Variants in CAPN2 observed in about 807,000 individuals in gnomAD.
CAPN2 encodes calpain 2, also known as calpain-2 catalytic subunit.
Under a neutral mutation model 102.3 loss-of-function variants are expected in CAPN2, and 92 were observed. The ratio of observed to expected loss-of-function variants is 0.90; its 90% confidence interval spans 0.76 to 1.07. The LOEUF (loss-of-function observed/expected upper bound fraction) is 1.07, where lower values mean the gene tolerates loss of function less well. Among genes scored for constraint, CAPN2 ranks in the 50% least tolerant of loss-of-function variants. The pLI, the probability that CAPN2 is intolerant of heterozygous loss-of-function variation, is 0.00. For synonymous variants in CAPN2, 340 were observed against 355.4 expected (o/e 0.96, Z 0.49); for missense variants, 800 against 909.4 (o/e 0.88, Z 1.55).
chr1:223,737,721 G>GGGTA lies in CAPN2; in HGVS notation c.308-6379_308-6378insGGTA, dbSNP rs146144248. On this transcript the variant is annotated intron_variant, in intron 2 of 20. Coordinates refer to ENST00000295006, the MANE Select transcript of CAPN2 (RefSeq NM_001748.5). ...AAGAGACGGGGCGGGGGGTGGGGGG[G>GGGTA]AGAGAATACAATAACACCATGTACT... 2.4e-3 allele frequency among the ~76,000 whole-genome samples: 167 copies of GGGTA among 70,206 alleles called. 6 individuals are homozygous for GGGTA. Among genetic ancestry groups the GGGTA allele is most frequent in the Non-Finnish European group, 3.0e-3 (108 of 36,010 alleles). 46.1% of individuals were successfully genotyped at this position (70,206 alleles called of 152,430 possible).
intron 2 of CAPN2, among the ~76,000 whole-genome samples, chr1:223,733,985 A>G (rs541432591): frequency 1.1e-3 from 154 of 145,232 alleles, no homozygotes; most frequent in African/African-American, 4.3e-3. Flanking sequence ...CTGGGTCCCA[A>G]CTGCAGACTC....
At chr1:223,717,158 T>G (rs915817546) in intron 1 of CAPN2, among the ~76,000 whole-genome samples, 1 of 152,144 alleles carries the variant, frequency 6.6e-6, no homozygotes, top group African/African-American at 2.4e-5. Context: ...AGATCCCGCC[T>G]GCCCTCAAAA....
rs758823138 is a variant in CAPN2, at chr1:223,745,458, C to T, written c.560+19C>T. On this transcript the variant is annotated intron_variant, in intron 4 of 20. Coordinates refer to ENST00000295006, the MANE Select transcript of CAPN2 (RefSeq NM_001748.5). ...ACGCCAAGTAAGTTGCCATCCTCCC[C>T]TGGCCCCATGGCCTTCCCCCAATGC... 6.2e-7 allele frequency: 1 copy of T among 1,614,074 alleles called. No homozygotes were observed. The highest frequency in any genetic ancestry group is 1.1e-5 in the South Asian group (1 of 91,082).
intron 16 of CAPN2, among the ~76,000 whole-genome samples, chr1:223,767,032 T>C (rs553501506): frequency 9.2e-5 from 14 of 151,864 alleles, no homozygotes; most frequent in African/African-American, 3.1e-4. Context: ...TTCCTGACAA[T>C]ATGCCCATCA....
At chr1:223,757,644 C>G (rs1661070475) in intron 11 of CAPN2, 2 of 526,908 alleles carry the variant, frequency 3.8e-6, no homozygotes, top group Non-Finnish European at 6.8e-6. Flanking sequence ...TGGTTCTGGG[C>G]AGAAAATCCA....
intron 6 of CAPN2, 116 bp downstream of exon 6, chr1:223,749,238 G>A: frequency 1.2e-6 from 1 of 862,994 alleles, no homozygotes; most frequent in Non-Finnish European, 1.9e-6. Context: ...GTTTACACTC[G>A]GGCCCCGCAC....
intron 2 of CAPN2, among the ~76,000 whole-genome samples, chr1:223,720,886 C>G (rs1169386373): frequency 4.6e-5 from 7 of 152,170 alleles, no homozygotes; most frequent in Admixed American, 4.6e-4. Context: ...CATGCTCCCT[C>G]CAATTTGCCA....
rs984465969 is a variant in CAPN2, at chr1:223,766,432, G to A, written c.1755+1G>A. On this transcript the variant is annotated splice_donor_variant, in intron 16 of 20. Transcript: ENST00000295006. LOFTEE classifies it high-confidence loss of function. ...CAAAATTATGGTTGACATGCTAGAT[G>A]TATCCTTTAATGTGCTCCAGGGAAT... 4 of 1,608,728 alleles carry A rather than the reference G, an allele frequency of 2.5e-6. No homozygotes were observed. The African/African-American group carries it at 5.3e-5, about 21-fold the overall frequency.
rs780397032 is a variant in CAPN2, at chr1:223,752,077, A to G, written c.974+6A>G. 3.8e-6 allele frequency: 6 copies of G among 1,596,952 alleles called. No individual in the cohort carries two copies. Among genetic ancestry groups the G allele is most frequent in the Non-Finnish European group, 4.3e-6 (5 of 1,164,386 alleles). ...CATGAAGATGGAGAATTCTGGTAAG[A>G]TTAGTGGAGGCTTCAGGGAAAGCTC... is the stretch of plus-strand genomic sequence containing the variant. On this transcript the variant is annotated splice_donor_region_variant and intron_variant, in intron 8 of 20. Transcript: ENST00000295006.
chr1:223,747,284 T>TA, intron 5 of CAPN2, 119 bp downstream of exon 5: 1 of 1,003,644 alleles, frequency 1.0e-6, no homozygotes, highest in Non-Finnish European at 1.4e-6. Flanking sequence ...CTCGTCCACG[T>TA]AGGGGCCAAA....
Position 223,751,017 on chromosome 1 carries a change from T to C in CAPN2, c.899+42T>C, listed in dbSNP as rs1198611364. The stretch of plus-strand genomic sequence containing the variant: ...CCTCGGGGCCCCAGGCGGGGGTGCA[T>C]TGTGCTGGGAGGCTCTGGGAAGAGG... On this transcript the variant is annotated intron_variant, in intron 7 of 20. Coordinates refer to ENST00000295006, the MANE Select transcript of CAPN2 (RefSeq NM_001748.5). 4.8e-6 allele frequency: 7 copies of C among 1,462,724 alleles called. No individual in the cohort carries two copies. In the Admixed American group the frequency reaches 1.4e-4, roughly 29 times the overall value. The allele number at this position is 1,462,724 out of a possible 1,614,324, so 90.6% of individuals were successfully genotyped here.
At chr1:223,752,109 C>A in intron 8 of CAPN2, 38 bp downstream of exon 8, 1 of 1,393,142 alleles carries the variant, frequency 7.2e-7, no homozygotes. Context: ...GCTCTGTCTG[C>A]CCCAATGTTC....
At chr1:223,720,605 C>T (rs546715519) in intron 2 of CAPN2, among the ~76,000 whole-genome samples, 14 of 152,310 alleles carry the variant, frequency 9.2e-5, no homozygotes, top group Middle Eastern at 6.8e-3. Flanking sequence ...GCGTGAGCCA[C>T]TGCGCCCAGC....
chr1:223,762,234 G>C lies in CAPN2; in HGVS notation c.1615G>C (p.Ala539Pro), dbSNP rs372646959. The change falls in exon 14 of 21, where the codon GCC becomes CCC. Residue 539 changes from alanine (A) to proline (P), a missense_variant. Coordinates refer to ENST00000295006, the MANE Select transcript of CAPN2 (RefSeq NM_001748.5). ...TGATGATGGATTCAGGAGACTGTTT[G>C]CCCAGTTGGCAGGAGAGGTAAATGT... ...DIDDGFRRLF[A>P]QLAGEDAEIS... 231 of 1,613,698 alleles carry C rather than the reference G, an allele frequency of 1.4e-4. 2 individuals carry two copies. In the Admixed American group the frequency reaches 3.8e-3, roughly 27 times the overall value.
intron 2 of CAPN2, among the ~76,000 whole-genome samples, chr1:223,720,199 T>C (rs1173628015): frequency 1.3e-5 from 2 of 152,162 alleles, no homozygotes; most frequent in Non-Finnish European, 2.9e-5. Context: ...ACACCCCCTA[T>C]GAGTTTGTAT....
At chr1:223,703,020 T>C (rs1003035371) in intron 1 of CAPN2, among the ~76,000 whole-genome samples, 18 of 152,152 alleles carry the variant, frequency 1.2e-4, no homozygotes, top group African/African-American at 2.2e-4. Context: ...AAGGAAGTCA[T>C]TGGGGACTGT....
At chr1:223,757,787 A>G in intron 11 of CAPN2, 1 of 213,396 alleles carries the variant, frequency 4.7e-6, no homozygotes, top group Non-Finnish European at 9.2e-6. Flanking sequence ...CCAGGACCCA[A>G]TTCCCAGGCT....
At chr1:223,764,791 T>C (rs953191474) in intron 15 of CAPN2, among the ~76,000 whole-genome samples, 1 of 152,246 alleles carries the variant, frequency 6.6e-6, no homozygotes, top group Non-Finnish European at 1.5e-5. Context: ...TTTCTCCATG[T>C]TGGCCAGGCT....
At position 223,727,162 on chromosome 1, in the gene CAPN2, G is replaced by T. The variant is rs1660214815; in HGVS notation, c.307+9331G>T. Among the ~76,000 whole-genome samples, 1 of 152,128 alleles carries T rather than the reference G, an allele frequency of 6.6e-6. No individual in the cohort carries two copies. Among genetic ancestry groups the T allele is most frequent in the South Asian group, 2.1e-4 (1 of 4,830 alleles). ...GTTGTCTCAGGAAGGGTGAAATTTA[G>T]CCAGGAGCAGTCTTCAGTAGCTTGG... is the stretch of plus-strand genomic sequence containing the variant. On this transcript the variant is annotated intron_variant, in intron 2 of 20. Transcript: ENST00000295006. The surrounding 1 kb of genome is among the most constrained non-coding windows in gnomAD (Gnocchi z 4.1).
Sources: allele counts gnomAD v4.1 joint callset (sites outside exome capture counted in the v4.1 genomes callset), GRCh38; gene constraint gnomAD v4.1.1; non-coding constraint Gnocchi (gnomAD v3.1); transcripts MANE v1.5; gene names NCBI Gene and HGNC (gene_info 2026-07-23, HGNC 2026-07-21).